Variants in IQCH observed in about 807,000 individuals in gnomAD.
IQCH encodes IQ domain-containing protein H.
In IQCH, 98 loss-of-function variants were observed where a neutral mutation model predicts 117.0. The observed-to-expected ratio is 0.84, with a 90% confidence interval of 0.71 to 0.99. The LOEUF (loss-of-function observed/expected upper bound fraction) is 0.99. IQCH is among the 50% of genes least tolerant of loss of function. The pLI is 0.00. For missense variants in IQCH, 1,102 were observed against 1,243.8 expected (o/e 0.89, Z 1.72); for synonymous variants, 412 against 448.2 (o/e 0.92, Z 1.02).
intron 4 of IQCH, among the ~76,000 whole-genome samples, chr15:67,328,329 A>G (rs1210470772): frequency 6.6e-6 from 1 of 152,182 alleles, no homozygotes; most frequent in African/African-American, 2.4e-5. Context: ...TCCTTCCCGG[A>G]AAGTCTTAAG....
At position 67,335,162 on chromosome 15, in the gene IQCH, G is replaced by A. The variant is rs1475042577; in HGVS notation, c.388-1813G>A. Among the ~76,000 whole-genome samples the A allele has an allele frequency of 2.0e-5, 3 of 152,130 alleles. No homozygotes were observed. The South Asian group carries it at 6.2e-4, about 31-fold the overall frequency. The stretch of plus-strand genomic sequence containing the variant: ...TTACATTGTTTAGATTGATGCAATT[G>A]AAAGAATTAAAGCAGTGTGATGAAT... On this transcript the variant is annotated intron_variant, in intron 4 of 20. Coordinates refer to ENST00000335894, the MANE Select transcript of IQCH (RefSeq NM_001031715.3).
Position 67,466,967 on chromosome 15 carries a change from T to G in IQCH, c.2676+1670T>G, listed in dbSNP as rs900633336. 1 of 152,982 alleles carries G rather than the reference T, an allele frequency of 6.5e-6. No individual in the cohort carries two copies. Among genetic ancestry groups the G allele is most frequent in the African/African-American group, 2.4e-5 (1 of 41,468 alleles). 9.5% of individuals were successfully genotyped at this position (152,982 alleles called of 1,614,324 possible). A position where few individuals can be genotyped will look rare whatever the true frequency, so the allele number is the denominator to read the frequency against. The stretch of plus-strand genomic sequence containing the variant: ...GGTCAGGTGTGGTGGCTCACGCCTG[T>G]AATCCCAGCACTTTGGGAGGCCGAG... On this transcript the variant is annotated intron_variant, in intron 17 of 20. Coordinates refer to ENST00000335894, the MANE Select transcript of IQCH (RefSeq NM_001031715.3). The surrounding 1 kb of genome is among the most constrained non-coding windows in gnomAD (Gnocchi z 4.4).
chr15:67,488,367 G>A (rs965613820), intron 18 of IQCH, among the ~76,000 whole-genome samples: 18 of 152,052 alleles, frequency 1.2e-4, no homozygotes, highest in African/African-American at 4.3e-4. Context: ...TATTATAACG[G>A]GTTCAAAAGA....
rs936122946 is a variant in IQCH at position 67,269,697 on chromosome 15, C to G, written c.269+6481C>G. On this transcript the variant is annotated intron_variant, in intron 3 of 20. Transcript: ENST00000335894. The stretch of plus-strand genomic sequence containing the variant: ...ATCTACTCTCCATATTCATGAGATC[C>G]ACTTTTTTTTTTTTAGCTCCCACAT... Among the ~76,000 whole-genome samples, 24 of 9,358 alleles carry G rather than the reference C, an allele frequency of 2.6e-3. No individual in the cohort carries two copies. The East Asian group carries it at 0.029, about 11-fold the overall frequency. 6.1% of individuals were successfully genotyped at this position (9,358 alleles called of 152,430 possible). A position where few individuals can be genotyped will look rare whatever the true frequency, so the allele number is the denominator to read the frequency against.
chr15:67,434,530 A>G (rs2082088386), intron 16 of IQCH, among the ~76,000 whole-genome samples: 1 of 152,142 alleles, frequency 6.6e-6, no homozygotes, highest in African/African-American at 2.4e-5. Flanking sequence ...GGTTGTTTCC[A>G]CGTCTTGGCT....
Position 67,500,738 on chromosome 15 carries a change from A to G in IQCH, c.3076A>G (p.Lys1026Glu), listed in dbSNP as rs972030571. 5.2e-6 allele frequency: 8 copies of G among 1,548,346 alleles called. No homozygotes were observed. In the East Asian group the frequency reaches 9.0e-5, roughly 17 times the overall value. ...SKDDKNLSKP[K>E]K Reference sequence around the variant, plus strand: ...AGATGATAAAAACCTCTCTAAACCCAAGAAATGATCCTGGAATACAGTACA... The same window carrying G: ...AGATGATAAAAACCTCTCTAAACCCGAGAAATGATCCTGGAATACAGTACA... The change falls in exon 21 of 21, where the codon AAG becomes GAG. Residue 1026 changes from lysine (K) to glutamate (E), a missense_variant. By Grantham distance (56) the Lys-to-Glu change is moderately conservative (BLOSUM62 1). This residue lies in a region of IQCH where 650 missense variants were observed against 794.3 expected (regional missense o/e 0.82). Coordinates refer to ENST00000335894, the MANE Select transcript of IQCH (RefSeq NM_001031715.3). This position sits in a 1 kb window ranked among gnomAD's most constrained non-coding sequence, Gnocchi z 4.4.
intron 8 of IQCH, among the ~76,000 whole-genome samples, chr15:67,360,800 C>A (rs935616674): frequency 1.3e-5 from 2 of 152,218 alleles, no homozygotes; most frequent in African/African-American, 4.8e-5. Context: ...CTAGATAGAG[C>A]TGTATTTACA....
At position 67,304,421 on chromosome 15, in the gene IQCH, T is replaced by C; in HGVS notation, c.387+24909T>C. 4 of 1,531,022 alleles carry C rather than the reference T, an allele frequency of 2.6e-6. No individual in the cohort carries two copies. In the Middle Eastern group the frequency reaches 5.0e-4, roughly 192 times the overall value. 94.8% of individuals were successfully genotyped at this position (1,531,022 alleles called of 1,614,324 possible). A position where few individuals can be genotyped will look rare whatever the true frequency, so the allele number is the denominator to read the frequency against. The stretch of plus-strand genomic sequence containing the variant: ...GCTGCTGTAAATGCGAACTATGGAA[T>C]CAGTTTGCCATATATTAATCAGAGA... On this transcript the variant is annotated intron_variant, in intron 4 of 20. Transcript: ENST00000335894.
chr15:67,442,827 GA>G (rs2082304590), intron 16 of IQCH, among the ~76,000 whole-genome samples: 1 of 134,634 alleles, frequency 7.4e-6, no homozygotes, highest in Non-Finnish European at 1.5e-5. Context: ...GAGATAGATA[GA>G]TAGATAGATA....
rs577040177 is a variant in IQCH at position 67,454,259 on chromosome 15, C to A, written c.2506-10868C>A. Among the ~76,000 whole-genome samples, 3 of 152,124 alleles carry A rather than the reference C, an allele frequency of 2.0e-5. No individual in the cohort carries two copies. In the South Asian group the frequency reaches 6.2e-4, roughly 31 times the overall value. ...ATCCTGCGCCTACTGTCTGGCACTCCCCAGTGAGATGAACCCGGTACCTCA... is the reference window on the plus strand; with the variant it reads ...ATCCTGCGCCTACTGTCTGGCACTCACCAGTGAGATGAACCCGGTACCTCA... On this transcript the variant is annotated intron_variant, in intron 16 of 20. Coordinates refer to ENST00000335894, the MANE Select transcript of IQCH (RefSeq NM_001031715.3). The surrounding 1 kb of genome is among the most constrained non-coding windows in gnomAD (Gnocchi z 5.2).
chr15:67,300,975 A>G (rs555122154), intron 4 of IQCH, among the ~76,000 whole-genome samples: 1 of 152,294 alleles, frequency 6.6e-6, no homozygotes, highest in Admixed American at 6.5e-5. Context: ...TGGCTCTGAT[A>G]ATAACTTTTG....
chr15:67,399,082 C>A (rs1213768248), intron 13 of IQCH, among the ~76,000 whole-genome samples: 3 of 152,120 alleles, frequency 2.0e-5, no homozygotes, highest in African/African-American at 7.2e-5. Context: ...CTTCTGACTT[C>A]TTTCTCTACT....
At chr15:67,320,497 CTT>C (rs1555448972) in intron 4 of IQCH, among the ~76,000 whole-genome samples, 1 of 96,248 alleles carries the variant, frequency 1.0e-5, no homozygotes, top group Non-Finnish European at 2.5e-5. Context: ...CTAGTAATTA[CTT>C]TTCCAGATTA....
chr15:67,339,547 T>C lies in IQCH; in HGVS notation c.508+2452T>C, dbSNP rs567534243. ...GAATTATTTGCATTATGATCAGTTA[T>C]TTACAAAGTAACCTCAATATCTACA... On this transcript the variant is annotated intron_variant, in intron 5 of 20. Transcript: ENST00000335894. Among the ~76,000 whole-genome samples the C allele has an allele frequency of 3.9e-5, 6 of 152,342 alleles. No individual in the cohort carries two copies. In the South Asian group the frequency reaches 1.2e-3, roughly 32 times the overall value.
intron 6 of IQCH, among the ~76,000 whole-genome samples, chr15:67,346,629 A>G (rs1352883090): frequency 2.0e-5 from 3 of 152,142 alleles, no homozygotes; most frequent in South Asian, 2.1e-4. Flanking sequence ...TCAGTTCCTA[A>G]TGGGCCACAG....
At chr15:67,446,281 A>G (rs1470838044) in intron 16 of IQCH, among the ~76,000 whole-genome samples, 1 of 152,228 alleles carries the variant, frequency 6.6e-6, no homozygotes, top group African/African-American at 2.4e-5. Context: ...TCCTGTATTT[A>G]ATGCTTAGCA....
rs1968452530 is a variant in IQCH, at chr15:67,327,236, T to G, written c.388-9739T>G. The stretch of plus-strand genomic sequence containing the variant: ...ACAAAATCAAGTAAATATGATTTCT[T>G]TTTTCAATTACAAGCTTTCTGAGTT... On this transcript the variant is annotated intron_variant, in intron 4 of 20. Transcript: ENST00000335894. 2.0e-5 allele frequency among the ~76,000 whole-genome samples: 3 copies of G among 152,318 alleles called. No homozygotes were observed. The South Asian group carries it at 6.2e-4, about 32-fold the overall frequency.
chr15:67,385,012 C>T lies in IQCH; in HGVS notation c.1449C>T (p.Asp483=), dbSNP rs918766927. 1.3e-6 allele frequency: 2 copies of T among 1,593,042 alleles called. No individual in the cohort carries two copies. Among genetic ancestry groups the T allele is most frequent in the Non-Finnish European group, 1.7e-6 (2 of 1,161,332 alleles). ...QQNMQLGRLC[D]ILDANVNVIY... ...ACATGCAGCTGGGGAGGCTGTGTGA[C>T]ATCTTAGGTACAGTAAATAGTTTTA... The change falls in exon 11 of 21, where the codon GAC becomes GAT. Residue 483 remains aspartate (D), a synonymous_variant. Transcript: ENST00000335894. This position sits in a 1 kb window ranked among gnomAD's most constrained non-coding sequence, Gnocchi z 4.6.
At chr15:67,379,821 C>T (rs893854177) in intron 10 of IQCH, among the ~76,000 whole-genome samples, 5 of 152,088 alleles carry the variant, frequency 3.3e-5, no homozygotes, top group African/African-American at 1.2e-4. Context: ...AACTGTGAGT[C>T]AAATAAACCT....
Sources: allele counts gnomAD v4.1 joint callset (sites outside exome capture counted in the v4.1 genomes callset), GRCh38; gene constraint gnomAD v4.1.1; regional missense constraint gnomAD v4.1.1; non-coding constraint Gnocchi (gnomAD v3.1); transcripts MANE v1.5; gene names NCBI Gene and HGNC (gene_info 2026-07-23, HGNC 2026-07-21).